The following TNS1 variants were observed in gnomAD, a reference collection of about 807,000 sequenced individuals.
TNS1 encodes the protein tensin 1, also known as tensin-1.
TNS1 carries 62 observed loss-of-function variants against 168.6 expected under a neutral mutation model. The observed-to-expected ratio is 0.37, with a 90% CI of 0.30 to 0.45. The LOEUF is 0.45. TNS1 is among the 20% of genes least tolerant of loss of function. TNS1 has a pLI of 1.00. For missense variants in TNS1, 2,240 were observed against 2,339.4 expected (o/e 0.96, Z 0.88); for synonymous variants, 934 against 933.2 (o/e 1.00, Z -0.02).
At chr2:217,872,560 T>C (rs1949863316) in intron 18 of TNS1, among the ~76,000 whole-genome samples, 1 of 152,216 alleles carries the variant, frequency 6.6e-6, no homozygotes, top group African/African-American at 2.4e-5. Flanking sequence ...AAAATAAATG[T>C]GGGTGAGGAT....
Position 217,848,148 on chromosome 2 carries a change from C to T in TNS1, c.2369G>A (p.Arg790His), listed in dbSNP as rs372848151. 32 of 1,600,562 alleles carry T rather than the reference C, an allele frequency of 2.0e-5. No homozygotes were observed. Among genetic ancestry groups the T allele is most frequent in the Middle Eastern group, 1.7e-4 (1 of 6,002 alleles). ...CTCCAAGTGGGCTCTTTCCTGCTGGCGTGGAGGTGGGCGAGGCTGCTGCTG... is the reference window on the plus strand; with the variant it reads ...CTCCAAGTGGGCTCTTTCCTGCTGGTGTGGAGGTGGGCGAGGCTGCTGCTG... Reference protein sequence around the residue: ...QQQQQPRPPPRQQERAHLESL... With the variant: ...QQQQQPRPPPHQQERAHLESL... Residue 790 changes from arginine to histidine, a missense_variant, in exon 19 of 33, where the codon CGC becomes CAC. By Grantham distance (29) the Arg-to-His change is conservative. Transcript: ENST00000682258.
chr2:217,912,241 G>A (rs1437192115), intron 4 of TNS1, among the ~76,000 whole-genome samples: 1 of 152,176 alleles, frequency 6.6e-6, no homozygotes, highest in Non-Finnish European at 1.5e-5. Flanking sequence ...CTGTGCTGCT[G>A]TTTTAGAGGA....
chr2:217,828,632 G>A (rs1483046131), intron 22 of TNS1, among the ~76,000 whole-genome samples: 1 of 152,190 alleles, frequency 6.6e-6, no homozygotes, highest in Admixed American at 6.5e-5. Context: ...TGCTCCTGGT[G>A]TGTCCAAGGC....
At chr2:217,887,707 G>C (rs1443566969) in intron 12 of TNS1, among the ~76,000 whole-genome samples, 1 of 152,098 alleles carries the variant, frequency 6.6e-6, no homozygotes, top group African/African-American at 2.4e-5. Flanking sequence ...GTCCAGGAGG[G>C]GTCACTGGAC....
Position 217,817,743 on chromosome 2 carries a change from C to G in TNS1, c.4589G>C (p.Ser1530Thr), listed in dbSNP as rs760616604. ...CAGAGTGTGGGAGAAGGAGACGGTG[C>G]TGCCCCCACTGGGACTGGACATGCC... ...ASGMSSPSGG[S>T]TVSFSHTLPD... The change falls in exon 24 of 33, where the codon AGC (serine) becomes ACC (threonine). Residue 1530 changes from serine (S) to threonine (T), a missense_variant. By Grantham distance (58) the Ser-to-Thr change is moderately conservative (BLOSUM62 1). Coordinates refer to ENST00000682258, the MANE Select transcript of TNS1 (RefSeq NM_001387777.1). The G allele has an allele frequency of 8.1e-6, 13 of 1,611,904 alleles. No homozygotes were observed. In the East Asian group the frequency reaches 2.7e-4, roughly 33 times the overall value.
At chr2:217,896,537 G>C (rs1952325768) in intron 8 of TNS1, among the ~76,000 whole-genome samples, 1 of 152,208 alleles carries the variant, frequency 6.6e-6, no homozygotes, top group Non-Finnish European at 1.5e-5. Flanking sequence ...GCTAGGAAAA[G>C]GCAAGAAGGG....
chr2:217,907,220 A>G lies in TNS1; in HGVS notation c.260T>C (p.Val87Ala). 1.4e-6 allele frequency: 1 copy of G among 702,992 alleles called. No individual in the cohort carries two copies. Among genetic ancestry groups the G allele is most frequent in the Non-Finnish European group, 2.6e-6 (1 of 384,962 alleles). 43.5% of individuals were successfully genotyped at this position (702,992 alleles called of 1,614,324 possible). The change falls in exon 5 of 33, where the codon GTA becomes GCA. Residue 87 changes from valine (V) to alanine (A), a missense_variant. Physicochemically the swap from Val to Ala is moderately conservative, Grantham distance 64 (BLOSUM62 0). Coordinates refer to ENST00000682258, the MANE Select transcript of TNS1 (RefSeq NM_001387777.1). The part of the protein sequence containing the change: ...PITTENAPKN[V>A]VDKGEGASRG... ...CCTGCCATCACTCACCTTGTCCACTACATTCTTTGGTGCATTCTCAGTGGT... is the reference window on the plus strand; with the variant it reads ...CCTGCCATCACTCACCTTGTCCACTGCATTCTTTGGTGCATTCTCAGTGGT...
chr2:217,889,147 T>C (rs1322434109), intron 12 of TNS1, among the ~76,000 whole-genome samples: 1 of 152,238 alleles, frequency 6.6e-6, no homozygotes, highest in Non-Finnish European at 1.5e-5. Flanking sequence ...ACAGCTGCTG[T>C]CTCCAGGGCC....
At chr2:217,827,172 T>A (rs1943741347) in intron 22 of TNS1, among the ~76,000 whole-genome samples, 1 of 152,166 alleles carries the variant, frequency 6.6e-6, no homozygotes, top group Non-Finnish European at 1.5e-5. Context: ...CACATCCTTA[T>A]ATTCCCAAAG....
rs772889773 is a variant in TNS1, at chr2:217,817,971, G to A, written c.4361C>T (p.Thr1454Met). The A allele has an allele frequency of 1.5e-5, 24 of 1,603,630 alleles. No individual in the cohort carries two copies. Among genetic ancestry groups the A allele is most frequent in the South Asian group, 3.3e-5 (3 of 89,674 alleles). The change falls in exon 24 of 33, where the codon ACG (threonine) becomes ATG (methionine). Residue 1454 changes from threonine to methionine, a missense_variant. This residue lies in a region of TNS1 where 2,131 missense variants were observed against 2,171.2 expected (regional missense o/e 0.98). Transcript: ENST00000682258. ...GGCAGGGGAGACAGGGAAGGAGGGCGTGGAAGGAGCCTGGTAGCCAGAGGC... is the reference window on the plus strand; with the variant it reads ...GGCAGGGGAGACAGGGAAGGAGGGCATGGAAGGAGCCTGGTAGCCAGAGGC... ...SSASGYQAPS[T>M]PSFPVSPAYY...
chr2:217,961,302 TG>T (rs1435595153), intron 3 of TNS1, among the ~76,000 whole-genome samples: 17 of 151,204 alleles, frequency 1.1e-4, no homozygotes, highest in Non-Finnish European at 1.8e-4. Flanking sequence ...AATTCCTGCC[TG>T]GGCTCTATGG....
In TNS1 at chr2:217,880,991, G is replaced by A. The variant is rs1950626889; in HGVS notation, c.1336C>T (p.Pro446Ser). Residue 446 changes from proline (P) to serine (S), a missense_variant, in exon 18 of 33, where the codon CCG becomes TCG. By Grantham distance (74) the Pro-to-Ser change is moderately conservative. Transcript: ENST00000682258. This position sits in a 1 kb window ranked among gnomAD's most constrained non-coding sequence, Gnocchi z 4.2. ...IQGMEHLENG[P>S]SVSVDYNTSD... ...GTGTTATAGTCCACAGACACGCTCG[G>A]CCCGTTCTCCAGGTGCTCCATGCCT... The A allele has an allele frequency of 6.2e-7, 1 of 1,614,038 alleles. No individual in the cohort carries two copies. Among genetic ancestry groups the A allele is most frequent in the Non-Finnish European group, 8.5e-7 (1 of 1,179,976 alleles).
At chr2:217,845,178 A>G (rs570282922) in intron 19 of TNS1, among the ~76,000 whole-genome samples, 2 of 152,326 alleles carry the variant, frequency 1.3e-5, no homozygotes, top group Admixed American at 6.5e-5. Flanking sequence ...AGGACAGCCA[A>G]TGGGGAAAAG....
intron 4 of TNS1, among the ~76,000 whole-genome samples, chr2:217,915,751 C>T (rs1954938785): frequency 6.6e-6 from 1 of 152,222 alleles, no homozygotes; most frequent in Non-Finnish European, 1.5e-5. Context: ...ACTCCTGACC[C>T]AGCCCTGCCA....
intron 1 of TNS1, among the ~76,000 whole-genome samples, chr2:218,030,338 C>A (rs1958881546): frequency 1.3e-5 from 2 of 152,238 alleles, no homozygotes; most frequent in Non-Finnish European, 1.5e-5. Flanking sequence ...ACTTCCTTCA[C>A]CTTCCCGGTG....
chr2:217,900,550 T>C (rs115697455), intron 6 of TNS1, 38 bp from the exon 7 acceptor site: 16,605 of 1,530,762 alleles, frequency 0.011, 116 homozygotes, highest in Non-Finnish European at 0.013. Context: ...TATGCAGGGG[T>C]GGGCAGGATG....
In TNS1 at chr2:217,895,110, G is replaced by A. The variant is rs372583310; in HGVS notation, c.544-54C>T. ...AGGAGGTGAGGGTGAGGAGGGCGGCGAGGAGAGAGAGAACCATGGCCTGCT... is the reference window on the plus strand; with the variant it reads ...AGGAGGTGAGGGTGAGGAGGGCGGCAAGGAGAGAGAGAACCATGGCCTGCT... On this transcript the variant is annotated intron_variant, in intron 8 of 32. Coordinates refer to ENST00000682258, the MANE Select transcript of TNS1 (RefSeq NM_001387777.1). The A allele has an allele frequency of 3.5e-4, 532 of 1,528,880 alleles. 2 individuals are homozygous for A. The highest frequency in any genetic ancestry group is 1.5e-3 in the Middle Eastern group (9 of 5,930). 94.7% of individuals were successfully genotyped at this position (1,528,880 alleles called of 1,614,324 possible). A position where few individuals can be genotyped will look rare whatever the true frequency, so the allele number is the denominator to read the frequency against.
chr2:218,020,418 G>A (rs568706805), intron 1 of TNS1, among the ~76,000 whole-genome samples: 1 of 152,156 alleles, frequency 6.6e-6, no homozygotes, highest in Admixed American at 6.5e-5. Flanking sequence ...TATCACCTCT[G>A]ACAACAGTGT....
chr2:217,835,982 T>A lies in TNS1; in HGVS notation c.3204+33A>T, dbSNP rs1167352206. 1.9e-6 allele frequency: 3 copies of A among 1,580,354 alleles called. No individual in the cohort carries two copies. The African/African-American group carries it at 4.0e-5, about 21-fold the overall frequency. On this transcript the variant is annotated intron_variant, in intron 20 of 32. Coordinates refer to ENST00000682258, the MANE Select transcript of TNS1 (RefSeq NM_001387777.1). The stretch of plus-strand genomic sequence containing the variant: ...AGATTTAAAGTGGGCACCACTACCC[T>A]CCATAGCCCCAAGATACAGCTTAAG...
Sources: allele counts gnomAD v4.1 joint callset (sites outside exome capture counted in the v4.1 genomes callset), GRCh38; gene constraint gnomAD v4.1.1; regional missense constraint gnomAD v4.1.1; non-coding constraint Gnocchi (gnomAD v3.1); transcripts MANE v1.5; gene names NCBI Gene and HGNC (gene_info 2026-07-23, HGNC 2026-07-21).